Variants in GATAD1 observed in about 807,000 individuals in gnomAD.
GATAD1 encodes the protein GATA zinc finger domain containing 1.
A neutral mutation model predicts 26.5 loss-of-function variants in GATAD1; 12 were observed. The ratio of observed to expected loss-of-function variants is 0.45; its 90% CI spans 0.29 to 0.73. GATAD1 has a LOEUF of 0.73. GATAD1 is among the 30% of genes least tolerant of loss of function. The pLI, the probability that GATAD1 is intolerant of heterozygous loss-of-function variation, is 0.10. For synonymous variants in GATAD1, 129 were observed against 133.1 expected (o/e 0.97, Z 0.21); for missense variants, 266 against 342.1 (o/e 0.78, Z 1.75).
At chr7:92,484,801 C>G in the GATAD1 span, among the ~76,000 whole-genome samples, 1 of 152,180 alleles carries the variant, frequency 6.6e-6, no homozygotes, top group Non-Finnish European at 1.5e-5. Context: ...GGGGACTGGT[C>G]TCCTGAAGGA....
rs2115876815 is a variant in GATAD1 at position 92,454,675 on chromosome 7, C to T, written c.609C>T (p.Ser203=). The T allele has an allele frequency of 6.3e-7, 1 of 1,584,996 alleles. No homozygotes were observed. The highest frequency in any genetic ancestry group is 1.4e-5 in the African/African-American group (1 of 73,394). Residue 203 remains serine, a synonymous_variant, in exon 4 of 5, where the codon TCC becomes TCT. Coordinates refer to ENST00000287957, the MANE Select transcript of GATAD1 (RefSeq NM_021167.5). ...SSPRDQFDPA[S]YIIGPEEDLP... ...CCAGAGACCAATTTGATCCCGCCTC[C>T]TATATCATAGGTAAGTTTGACAAAT... is the stretch of plus-strand genomic sequence containing the variant.
chr7:92,456,328 T>C (rs1789669244), intron 4 of GATAD1, 44 bp from the exon 5 acceptor site: 1 of 1,310,464 alleles, frequency 7.6e-7, no homozygotes, highest in Non-Finnish European at 1.1e-6. Context: ...AAATGATATA[T>C]ATGGTCAAAA....
the GATAD1 span, among the ~76,000 whole-genome samples, chr7:92,476,066 G>C: frequency 1.3e-5 from 2 of 152,068 alleles, no homozygotes; most frequent in Non-Finnish European, 2.9e-5. Context: ...ACCATCTATC[G>C]TCCTGTCCTG....
chr7:92,491,592 C>A, the GATAD1 span: 1 of 787,442 alleles, frequency 1.3e-6, no homozygotes, highest in Non-Finnish European at 2.2e-6. Context: ...TCTATTAGAG[C>A]AATACAAGAA....
At chr7:92,448,492 CCCT>C (rs1419531140) in intron 1 of GATAD1, among the ~76,000 whole-genome samples, 1 of 152,148 alleles carries the variant, frequency 6.6e-6, no homozygotes, top group East Asian at 1.9e-4. Context: ...CCGCCTCCTG[CCCT>C]ATTACAAGCA....
the GATAD1 span, among the ~76,000 whole-genome samples, chr7:92,475,993 A>T: frequency 6.6e-6 from 1 of 152,294 alleles, no homozygotes; most frequent in African/African-American, 2.4e-5. Context: ...CTGCTTCCAC[A>T]AGAGTCCCCG....
the GATAD1 span, chr7:92,493,314 A>G: frequency 2.4e-6 from 1 of 422,652 alleles, no homozygotes; most frequent in Non-Finnish European, 4.1e-6. Flanking sequence ...AACAGAAATA[A>G]TATATATAGG....
At position 92,457,553 on chromosome 7, in the gene GATAD1, C is replaced by T. The variant is rs1789733310; in HGVS notation, c.*991C>T. 1 of 152,176 alleles carries T rather than the reference C, an allele frequency of 6.6e-6. No individual in the cohort carries two copies. Among genetic ancestry groups the T allele is most frequent in the Non-Finnish European group, 1.5e-5 (1 of 68,028 alleles). The allele number at this position is 152,176 out of a possible 1,614,324, so 9.4% of individuals were successfully genotyped here. A position where few individuals can be genotyped will look rare whatever the true frequency, so the allele number is the denominator to read the frequency against. ...TATTCTATATGTGTATCTTCCTAGG[C>T]AAAAGCTGTAATTTCCAGAGAGACC... On this transcript the variant is annotated 3_prime_UTR_variant, in exon 5 of 5. Coordinates refer to ENST00000287957, the MANE Select transcript of GATAD1 (RefSeq NM_021167.5).
chr7:92,450,223 C>G (rs993082500), intron 2 of GATAD1: 1 of 153,368 alleles, frequency 6.5e-6, no homozygotes, highest in African/African-American at 2.4e-5. Context: ...TAAGAACTCT[C>G]AAAGTTTCTA....
chr7:92,463,946 G>T (rs958890001), downstream of GATAD1, among the ~76,000 whole-genome samples: 8 of 151,934 alleles, frequency 5.3e-5, no homozygotes, highest in African/African-American at 1.9e-4. Context: ...CCAGCCTGGG[G>T]GACAGAGCGA....
chr7:92,460,445 C>T (rs922638875), downstream of GATAD1, among the ~76,000 whole-genome samples: 1 of 152,046 alleles, frequency 6.6e-6, no homozygotes, highest in African/African-American at 2.4e-5. Context: ...CCCAAATGAC[C>T]CACAAGAGGT....
chr7:92,489,364 T>C, the GATAD1 span: 3 of 1,611,552 alleles, frequency 1.9e-6, no homozygotes, highest in Non-Finnish European at 2.5e-6. Flanking sequence ...TCATTAAATG[T>C]GACTGACTAA....
chr7:92,474,908 C>T, the GATAD1 span: 2 of 152,102 alleles, frequency 1.3e-5, no homozygotes, highest in Non-Finnish European at 2.9e-5. Context: ...GGAATATTGG[C>T]ACTCTTTGGT....
chr7:92,468,875 C>T, the GATAD1 span: 1 of 764,226 alleles, frequency 1.3e-6, no homozygotes, highest in African/African-American at 1.7e-5. Flanking sequence ...GCAGGCCGGT[C>T]CAGGGGTCTG....
At chr7:92,482,465 G>C in the GATAD1 span, among the ~76,000 whole-genome samples, 2 of 152,218 alleles carry the variant, frequency 1.3e-5, no homozygotes, top group African/African-American at 4.8e-5. Flanking sequence ...GGTTTTAGAA[G>C]CCCGTGCTGT....
chr7:92,451,644 A>C (rs6946071), intron 3 of GATAD1, among the ~76,000 whole-genome samples: 2 of 152,180 alleles, frequency 1.3e-5, no homozygotes, highest in Non-Finnish European at 2.9e-5. Context: ...GCTGGGAAAA[A>C]CCAACAACAA....
At chr7:92,493,195 A>C in the GATAD1 span, 1 of 921,672 alleles carries the variant, frequency 1.1e-6, no homozygotes, top group South Asian at 1.8e-5. Flanking sequence ...TAAATTGTGT[A>C]TCTTATGATT....
chr7:92,489,430 TA>T, the GATAD1 span: 3 of 1,611,212 alleles, frequency 1.9e-6, no homozygotes, highest in South Asian at 1.1e-5. Flanking sequence ...CCTCCTTAAG[TA>T]AAAAAAGAAA....
the GATAD1 span, among the ~76,000 whole-genome samples, chr7:92,478,290 T>C: frequency 7.9e-5 from 12 of 152,196 alleles, no homozygotes; most frequent in African/African-American, 2.9e-4. Context: ...TCCAGAACTA[T>C]GTCACATAGC....
Sources: allele counts gnomAD v4.1 joint callset (sites outside exome capture counted in the v4.1 genomes callset), GRCh38; gene constraint gnomAD v4.1.1; transcripts MANE v1.5; gene names NCBI Gene and HGNC (gene_info 2026-07-23, HGNC 2026-07-21).